DNAH7: variants seen among roughly 807,000 people sequenced by gnomAD.
DNAH7 encodes the protein axonemal beta dynein heavy chain 7.
Under a neutral mutation model 444.6 loss-of-function variants are expected in DNAH7, and 397 were observed. The ratio of observed to expected loss-of-function variants is 0.89; its 90% confidence interval spans 0.82 to 0.97. The LOEUF is 0.97. DNAH7 is among the 50% of genes least tolerant of loss of function. The pLI is 0.00. For missense variants in DNAH7, 4,902 were observed against 4,800.8 expected (o/e 1.02, Z -0.62); for synonymous variants, 1,636 against 1,624.4 (o/e 1.01, Z -0.17).
chr2:195,971,033 A>G (rs1691803279), intron 16 of DNAH7, among the ~76,000 whole-genome samples: 2 of 152,234 alleles, frequency 1.3e-5, no homozygotes, highest in South Asian at 4.1e-4. Context: ...TTTACTACTC[A>G]TGATGTTTTC....
chr2:195,866,942 C>T (rs1700377520), intron 40 of DNAH7, among the ~76,000 whole-genome samples: 1 of 152,114 alleles, frequency 6.6e-6, no homozygotes, highest in Non-Finnish European at 1.5e-5. Flanking sequence ...AGGGGAGTTT[C>T]CCTGCACAAT....
chr2:195,809,903 T>C, intron 51 of DNAH7, 32 bp from the exon 52 acceptor site: 1 of 1,459,888 alleles, frequency 6.8e-7, no homozygotes, highest in Non-Finnish European at 9.1e-7. Flanking sequence ...AGGAAATAAA[T>C]AAAAATATAC....
chr2:195,848,125 GT>G (rs1403255525), intron 46 of DNAH7, among the ~76,000 whole-genome samples: 1 of 152,194 alleles, frequency 6.6e-6, no homozygotes, highest in Admixed American at 6.5e-5. Flanking sequence ...GTGCTCACAG[GT>G]GGCGCTGGCT....
intron 54 of DNAH7, among the ~76,000 whole-genome samples, chr2:195,802,608 G>A (rs1017438137): frequency 3.9e-5 from 6 of 152,088 alleles, no homozygotes; most frequent in Non-Finnish European, 8.8e-5. Flanking sequence ...GGTGGAGGTT[G>A]CACTGAGAGG....
intron 42 of DNAH7, among the ~76,000 whole-genome samples, chr2:195,860,626 C>A (rs1699964708): frequency 6.6e-6 from 1 of 151,998 alleles, no homozygotes. Flanking sequence ...ATCCAGGTAG[C>A]ATGCTGCCCA....
At chr2:195,766,440 T>A (rs966325579) in intron 61 of DNAH7, among the ~76,000 whole-genome samples, 4 of 151,900 alleles carry the variant, frequency 2.6e-5, no homozygotes, top group African/African-American at 9.7e-5. Flanking sequence ...AGTGCTGGGA[T>A]TACAGGCGTG....
In DNAH7 at chr2:195,890,067, T is replaced by C. The variant is rs1183703471; in HGVS notation, c.5047-1086A>G. ...TACACCAATGATTCCTTGCTTTTCC[T>C]TCAGCAAATATGATTTCAAGTTGAA... On this transcript the variant is annotated intron_variant, in intron 31 of 64. Coordinates refer to ENST00000312428, the MANE Select transcript of DNAH7 (RefSeq NM_018897.3). Among the ~76,000 whole-genome samples, 5 of 152,354 alleles carry C rather than the reference T, an allele frequency of 3.3e-5. No homozygotes were observed. In the East Asian group the frequency reaches 9.6e-4, roughly 29 times the overall value.
chr2:195,894,528 AATGTG>A (rs1477013781), intron 30 of DNAH7: 2 of 152,546 alleles, frequency 1.3e-5, no homozygotes, highest in Non-Finnish European at 2.9e-5. Context: ...AGTCAATCAA[AATGTG>A]ATGTGTATAA....
At position 195,738,014 on chromosome 2, in the gene DNAH7, C is replaced by A; in HGVS notation, c.11982G>T (p.Thr3994=). 1.2e-6 allele frequency: 2 copies of A among 1,614,038 alleles called. No individual in the cohort carries two copies. Among genetic ancestry groups the A allele is most frequent in the Non-Finnish European group, 8.5e-7 (1 of 1,179,944 alleles). ...RGVLSTTGHS[T]NFVIAMTLPS... Reference sequence around the variant, plus strand: ...GAAGAGTCATGGCAATCACAAAATTCGTGGAATGGCCAGTGGTGGATAATA... The same window carrying A: ...GAAGAGTCATGGCAATCACAAAATTAGTGGAATGGCCAGTGGTGGATAATA... Residue 3994 remains threonine (T), a synonymous_variant, in exon 65 of 65, where the codon ACG becomes ACT. Transcript: ENST00000312428.
chr2:195,785,059 C>G (rs842729), intron 58 of DNAH7, among the ~76,000 whole-genome samples: 147,515 of 152,116 alleles, frequency 0.97, 71,675 homozygotes, highest in Middle Eastern at 1. Context: ...CTACAGGCTT[C>G]TGCCATCACG....
At chr2:195,842,191 G>C (rs1438200812) in intron 47 of DNAH7, among the ~76,000 whole-genome samples, 1 of 151,944 alleles carries the variant, frequency 6.6e-6, no homozygotes, top group Non-Finnish European at 1.5e-5. Flanking sequence ...TCCTTTACCC[G>C]TGAAATGTTC....
intron 19 of DNAH7, among the ~76,000 whole-genome samples, chr2:195,951,451 T>C (rs568990078): frequency 7.9e-5 from 12 of 152,304 alleles, no homozygotes; most frequent in Admixed American, 3.3e-4. Flanking sequence ...AGATGTCTAC[T>C]AGCCCTGCTT....
chr2:196,038,956 G>T (rs1696560278), intron 5 of DNAH7, among the ~76,000 whole-genome samples: 1 of 152,132 alleles, frequency 6.6e-6, no homozygotes, highest in Non-Finnish European at 1.5e-5. Context: ...CCCACTTTCA[G>T]CATTGGACAG....
chr2:195,822,714 T>C (rs980050643), intron 49 of DNAH7, among the ~76,000 whole-genome samples: 1 of 152,194 alleles, frequency 6.6e-6, no homozygotes, highest in African/African-American at 2.4e-5. Context: ...ACTCCTACCA[T>C]AACCAGTTAT....
At chr2:195,820,285 G>A (rs935534686) in intron 49 of DNAH7, among the ~76,000 whole-genome samples, 44 of 151,866 alleles carry the variant, frequency 2.9e-4, no homozygotes, top group African/African-American at 1.0e-3. Context: ...TCACACACTG[G>A]GGCCTGTTGG....
intron 48 of DNAH7, 73 bp downstream of exon 48, chr2:195,834,133 T>A: frequency 1.4e-6 from 2 of 1,446,136 alleles, no homozygotes; most frequent in Non-Finnish European, 1.9e-6. Context: ...CTTGAAACAA[T>A]CTATACAGTT....
chr2:195,979,579 T>A (rs1215243267), intron 15 of DNAH7, among the ~76,000 whole-genome samples: 1 of 151,640 alleles, frequency 6.6e-6, no homozygotes, highest in Non-Finnish European at 1.5e-5. Flanking sequence ...CAAGTGCAAA[T>A]CAAACCCAAA....
chr2:195,865,137 T>C, intron 40 of DNAH7, 116 bp from the exon 41 acceptor site: 1 of 992,026 alleles, frequency 1.0e-6, no homozygotes, highest in Non-Finnish European at 1.4e-6. Flanking sequence ...GCAGGTTTTA[T>C]TAAAAGTATA....
At chr2:195,777,489 C>T (rs1384434535) in intron 59 of DNAH7, among the ~76,000 whole-genome samples, 1 of 152,132 alleles carries the variant, frequency 6.6e-6, no homozygotes, top group Non-Finnish European at 1.5e-5. Flanking sequence ...CTAATACCAT[C>T]TCTTATGTAT....
Sources: allele counts gnomAD v4.1 joint callset (sites outside exome capture counted in the v4.1 genomes callset), GRCh38; gene constraint gnomAD v4.1.1; transcripts MANE v1.5; gene names NCBI Gene and HGNC (gene_info 2026-07-23, HGNC 2026-07-21).